TCEA1: variants seen among roughly 807,000 people sequenced by gnomAD.
The protein encoded by TCEA1 is transcription elongation factor A protein 1.
In TCEA1, 21 loss-of-function variants were observed where a neutral mutation model predicts 43.8. The observed-to-expected ratio is 0.48, with a 90% CI of 0.34 to 0.69. The LOEUF (loss-of-function observed/expected upper bound fraction) is 0.69, where lower values mean the gene tolerates loss of function less well. Ranked by LOEUF, TCEA1 falls within the 30% of genes least tolerant of loss-of-function variation. The probability of loss-of-function intolerance (pLI) is 0.01; values close to 1 mark genes in which losing one functional copy is unlikely to be tolerated. For synonymous variants in TCEA1, 104 were observed against 117.5 expected, an observed-to-expected ratio of 0.88 and a Z score of 0.75; for missense variants, 250 against 365.1, an observed-to-expected ratio of 0.68 and a Z score of 2.57.
rs1454824200 is a variant in TCEA1, at chr8:54,022,086, T to G, written c.40A>C (p.Lys14Gln). 3.8e-6 allele frequency: 6 copies of G among 1,576,446 alleles called. No homozygotes were observed. The highest frequency in any genetic ancestry group is 3.5e-6 in the Non-Finnish European group (4 of 1,158,032). Residue 14 changes from lysine (K) to glutamine (Q), a missense_variant, in exon 1 of 10, where the codon AAG becomes CAG. Physicochemically the swap from Lys to Gln is moderately conservative, Grantham distance 53. This residue lies in a region of TCEA1 where 30 missense variants were observed against 31.8 expected (regional missense o/e 0.94). Coordinates refer to ENST00000521604, the MANE Select transcript of TCEA1 (RefSeq NM_006756.4). ...ACCGCGTTCTTCTTCTGCACCATCT[T>G]GTCCATCTTCTTGGCAAAGCGGACC... ...EVVRFAKKMD[K>Q]MVQKKNAAGA... is the part of the protein sequence containing the mutation.
intron 2 of TCEA1, among the ~76,000 whole-genome samples, chr8:54,002,254 G>A (rs572377386): frequency 5.9e-5 from 9 of 151,908 alleles, no homozygotes; most frequent in East Asian, 1.9e-4. Context: ...GGTGGATCAC[G>A]AGGTCGGGAG....
At chr8:54,000,374 A>G (rs1392152973) in intron 2 of TCEA1, among the ~76,000 whole-genome samples, 3 of 152,218 alleles carry the variant, frequency 2.0e-5, no homozygotes, top group Non-Finnish European at 4.4e-5. Flanking sequence ...TGTTGTATAT[A>G]AGTCAGGCTG....
At chr8:54,003,261 GAAGACTTAAATGTT>G (rs1804329121) in intron 2 of TCEA1, among the ~76,000 whole-genome samples, 1 of 152,152 alleles carries the variant, frequency 6.6e-6, no homozygotes, top group Non-Finnish European at 1.5e-5. Flanking sequence ...CGATAGACCG[GAAGACTTAAATGTT>G]AAGACTGCAA....
intron 1 of TCEA1, chr8:54,021,839 G>T: frequency 2.5e-6 from 1 of 397,288 alleles, no homozygotes; most frequent in Non-Finnish European, 4.4e-6. Context: ...CGGCACCAGC[G>T]AGCAGGGACT....
At chr8:54,000,976 C>T (rs1804238272) in intron 2 of TCEA1, among the ~76,000 whole-genome samples, 1 of 151,942 alleles carries the variant, frequency 6.6e-6, no homozygotes, top group Admixed American at 6.6e-5. Flanking sequence ...CCAGGCTGGT[C>T]TCAAACTCTA....
intron 1 of TCEA1, among the ~76,000 whole-genome samples, chr8:54,011,790 A>G (rs1012587029): frequency 1.5e-4 from 23 of 152,366 alleles, no homozygotes; most frequent in African/African-American, 5.3e-4. Context: ...GGTGACAGAC[A>G]TTAGGCTTGG....
chr8:53,972,252 A>G (rs892988906), intron 8 of TCEA1: 199 of 366,198 alleles, frequency 5.4e-4, no homozygotes, highest in Non-Finnish European at 9.5e-4. Context: ...AAATGAAATT[A>G]CAAGTATTGG....
intron 8 of TCEA1, chr8:53,973,455 C>CAGT (rs1270710365): frequency 2.0e-6 from 1 of 502,156 alleles, no homozygotes; most frequent in Non-Finnish European, 3.8e-6. Context: ...TATGAATGAC[C>CAGT]AGTACTTTGC....
At chr8:54,000,163 A>T (rs1240743058) in intron 2 of TCEA1, 113 bp from the exon 3 acceptor site, 1 of 703,326 alleles carries the variant, frequency 1.4e-6, no homozygotes, top group African/African-American at 1.8e-5. Context: ...GAATTTCAAA[A>T]CTTCAATTTT....
intron 7 of TCEA1, among the ~76,000 whole-genome samples, chr8:53,981,284 T>C (rs1299781352): frequency 6.6e-6 from 1 of 152,194 alleles, no homozygotes; most frequent in Non-Finnish European, 1.5e-5. Context: ...TCAATGTTGA[T>C]GAATATTGGA....
chr8:53,993,658 T>G lies in TCEA1; in HGVS notation c.320+10A>C. The stretch of plus-strand genomic sequence containing the variant: ...TTTCAATATAAATATATGTCTATAC[T>G]GTGAAGTACCTTTCTTCTCTTGCCT... On this transcript the variant is annotated intron_variant, in intron 4 of 9. Coordinates refer to ENST00000521604, the MANE Select transcript of TCEA1 (RefSeq NM_006756.4). The G allele has an allele frequency of 6.2e-7, 1 of 1,604,252 alleles. No individual in the cohort carries two copies. Among genetic ancestry groups the G allele is most frequent in the Non-Finnish European group, 8.5e-7 (1 of 1,173,724 alleles).
chr8:54,002,860 G>A, intron 2 of TCEA1: 1 of 455,812 alleles, frequency 2.2e-6, no homozygotes, highest in Non-Finnish European at 4.4e-6. Context: ...GATTTCTATA[G>A]AACATCAGGT....
intron 5 of TCEA1, 66 bp downstream of exon 5, chr8:53,988,048 A>G (rs1327025186): frequency 6.4e-7 from 1 of 1,561,318 alleles, no homozygotes. Flanking sequence ...AGCAATATGG[A>G]GTTGGAGATG....
intron 9 of TCEA1, 67 bp downstream of exon 9, chr8:53,970,325 T>A (rs1160051781): frequency 9.1e-7 from 1 of 1,095,574 alleles, no homozygotes; most frequent in Admixed American, 1.7e-5. Flanking sequence ...GGCAGACCTA[T>A]GAAAAGACCA....
chr8:53,982,209 G>A (rs1004363566), intron 7 of TCEA1, among the ~76,000 whole-genome samples: 1 of 152,108 alleles, frequency 6.6e-6, no homozygotes, highest in Non-Finnish European at 1.5e-5. Flanking sequence ...GAACATTAGT[G>A]ATTCATTGAG....
intron 4 of TCEA1, among the ~76,000 whole-genome samples, chr8:53,991,345 A>G (rs1463341892): frequency 6.6e-6 from 1 of 151,830 alleles, no homozygotes; most frequent in Non-Finnish European, 1.5e-5. Flanking sequence ...GTGAGGCAAG[A>G]TTGTGCCACT....
chr8:53,986,905 T>C (rs1425270702), intron 6 of TCEA1, 64 bp downstream of exon 6: 20 of 1,321,198 alleles, frequency 1.5e-5, no homozygotes, highest in East Asian at 2.5e-5. Context: ...GCCTGGCATT[T>C]GCATATGTTC....
At chr8:53,995,768 C>CA (rs1804034315) in intron 3 of TCEA1, among the ~76,000 whole-genome samples, 1 of 152,200 alleles carries the variant, frequency 6.6e-6, no homozygotes, top group South Asian at 2.1e-4. Context: ...GTTCCTTAGA[C>CA]AACTCTAATA....
At chr8:53,993,214 C>T (rs919072391) in intron 4 of TCEA1, among the ~76,000 whole-genome samples, 3 of 146,898 alleles carry the variant, frequency 2.0e-5, no homozygotes, top group African/African-American at 7.6e-5. Flanking sequence ...CTCAAGTGAT[C>T]CTCCCACCTC....
Sources: gnomAD v4.1 joint callset for allele counts (sites outside exome capture counted in the v4.1 genomes callset) on GRCh38, gnomAD v4.1.1 for gene constraint, gnomAD v4.1.1 regional missense constraint, MANE v1.5 for transcripts, NCBI Gene and HGNC (gene_info 2026-07-23, HGNC 2026-07-21) for gene names.